DGKG: variants seen among roughly 807,000 people sequenced by gnomAD.
DGKG encodes diacylglycerol kinase gamma.
In DGKG, 78 loss-of-function variants were observed where a neutral mutation model predicts 105.3. The observed-to-expected ratio is 0.74, with a 90% confidence interval of 0.62 to 0.89. The LOEUF (loss-of-function observed/expected upper bound fraction) is 0.89. Ranked by LOEUF, DGKG falls within the 40% of genes least tolerant of loss-of-function variation. The pLI is 0.00. For missense variants in DGKG, 958 were observed against 1,020.1 expected, an observed-to-expected ratio of 0.94 and a Z score of 0.83; for synonymous variants, 346 against 367.1, an observed-to-expected ratio of 0.94 and a Z score of 0.66.
intron 21 of DGKG, among the ~76,000 whole-genome samples, chr3:186,197,647 A>AAGGCTGG (rs1326050767): frequency 6.6e-6 from 1 of 152,154 alleles, no homozygotes; most frequent in Non-Finnish European, 1.5e-5. Context: ...GACTACGGTG[A>AAGGCTGG]AGGCTGGATG....
intron 14 of DGKG, among the ~76,000 whole-genome samples, chr3:186,264,586 A>G (rs1396204702): frequency 6.6e-6 from 1 of 152,222 alleles, no homozygotes; most frequent in Non-Finnish European, 1.5e-5. Context: ...CAACACGTGA[A>G]TCTGTATATT....
rs1250376287 is a variant in DGKG, at chr3:186,284,601, G to T, written c.594+59C>A. ...ACATTTTCAGATTCTTCCTCTGCTT[G>T]CTCCCTGCTCCCCCAGCCTTTCTCA... On this transcript the variant is annotated intron_variant, in intron 7 of 24. Coordinates refer to ENST00000265022, the MANE Select transcript of DGKG (RefSeq NM_001346.3). This position sits in a 1 kb window ranked among gnomAD's most constrained non-coding sequence, Gnocchi z 4.0. 1.4e-6 allele frequency: 2 copies of T among 1,388,378 alleles called. No individual in the cohort carries two copies. Among genetic ancestry groups the T allele is most frequent in the African/African-American group, 1.4e-5 (1 of 70,262 alleles). The allele number at this position is 1,388,378 out of a possible 1,614,324, so 86.0% of individuals were successfully genotyped here.
intron 22 of DGKG, among the ~76,000 whole-genome samples, chr3:186,176,532 G>T (rs921666190): frequency 7.9e-5 from 12 of 152,152 alleles, no homozygotes; most frequent in African/African-American, 2.9e-4. Context: ...GTTGGGTCAG[G>T]GTTGGCCAGA....
chr3:186,269,188 C>T (rs1269791334), intron 11 of DGKG, among the ~76,000 whole-genome samples: 1 of 152,250 alleles, frequency 6.6e-6, no homozygotes, highest in Non-Finnish European at 1.5e-5. Flanking sequence ...GGCCTCTGAG[C>T]AGCATCTTGT....
rs561479289 is a variant in DGKG at position 186,233,541 on chromosome 3, G to A, written c.1826+8963C>T. On this transcript the variant is annotated intron_variant, in intron 20 of 24. Transcript: ENST00000265022. Reference sequence around the variant, plus strand: ...GTCGCCCAGGCTGGACTGCAGTGGCGCGATCTCGGCTCACTGCAAGCTCCG... The same window carrying A: ...GTCGCCCAGGCTGGACTGCAGTGGCACGATCTCGGCTCACTGCAAGCTCCG... Among the ~76,000 whole-genome samples, 8 of 152,236 alleles carry A rather than the reference G, an allele frequency of 5.3e-5. 1 individual carries two copies. The East Asian group carries it at 1.5e-3, about 29-fold the overall frequency.
rs1716464000 is a variant in DGKG, at chr3:186,164,904, G to C, written c.2210C>G (p.Thr737Ser). Residue 737 changes from threonine (T) to serine (S), a missense_variant, in exon 23 of 25, where the codon ACC (threonine) becomes AGC (serine). Physicochemically the swap from Thr to Ser is moderately conservative, Grantham distance 58. This residue lies in a region of DGKG where 315 missense variants were observed against 400.6 expected (regional missense o/e 0.79). Transcript: ENST00000265022. ...GRRLAQCASV[T>S]IRTNKLLPMQ... Reference sequence around the variant, plus strand: ...GGGTGACAAAGAGGCATACCTGATGGTGACAGAGGCGCACTGGGCCAGCCT... The same window carrying C: ...GGGTGACAAAGAGGCATACCTGATGCTGACAGAGGCGCACTGGGCCAGCCT... The C allele has an allele frequency of 6.2e-7, 1 of 1,612,208 alleles. No homozygotes were observed. The highest frequency in any genetic ancestry group is 1.1e-5 in the South Asian group (1 of 90,864).
intron 21 of DGKG, among the ~76,000 whole-genome samples, chr3:186,193,259 T>C (rs1161455399): frequency 5.3e-5 from 8 of 152,212 alleles, no homozygotes; most frequent in Non-Finnish European, 1.0e-4. Flanking sequence ...TGGGTTTAAA[T>C]CTTGGCTCTG....
intron 1 of DGKG, among the ~76,000 whole-genome samples, chr3:186,352,704 T>C (rs576128180): frequency 1.3e-5 from 2 of 152,318 alleles, no homozygotes; most frequent in East Asian, 3.9e-4. Context: ...ACAAGTTCTT[T>C]CCTGGTTCTG....
chr3:186,317,541 G>C (rs13317411), intron 2 of DGKG, among the ~76,000 whole-genome samples: 3,821 of 152,158 alleles, frequency 0.025, 159 homozygotes, highest in African/African-American at 0.087. Context: ...CATGCTCTGG[G>C]CTCCAGCCTG....
intron 13 of DGKG, 75 bp from the exon 14 acceptor site, chr3:186,265,381 C>A (rs1373770640): frequency 7.5e-7 from 1 of 1,335,224 alleles, no homozygotes; most frequent in Non-Finnish European, 1.1e-6. Context: ...AGATGAAAAA[C>A]AAACGGCTGA....
At chr3:186,217,950 A>G (rs764379830) in intron 20 of DGKG, among the ~76,000 whole-genome samples, 8 of 152,186 alleles carry the variant, frequency 5.3e-5, no homozygotes, top group Non-Finnish European at 1.2e-4. Flanking sequence ...GACTTTGATA[A>G]TCAGGTTCTC....
intron 4 of DGKG, 110 bp downstream of exon 4, chr3:186,297,954 C>T (rs888385): frequency 0.81 from 1,072,153 of 1,317,958 alleles, 438,999 homozygotes; most frequent in Non-Finnish European, 0.84. Flanking sequence ...ATGTTCGCAC[C>T]GTTGGGGCAG....
At chr3:186,357,339 G>T (rs1229374899) in intron 1 of DGKG, among the ~76,000 whole-genome samples, 2 of 152,058 alleles carry the variant, frequency 1.3e-5, no homozygotes, top group African/African-American at 4.8e-5. Flanking sequence ...GATTTCCCAG[G>T]AAGCCAAGAT....
chr3:186,222,581 G>C (rs778295169), intron 20 of DGKG, among the ~76,000 whole-genome samples: 2 of 152,164 alleles, frequency 1.3e-5, no homozygotes, highest in Admixed American at 1.3e-4. Context: ...GGTGGCTCAC[G>C]CCTGTAATCC....
intron 20 of DGKG, among the ~76,000 whole-genome samples, chr3:186,229,686 A>T (rs1447231192): frequency 6.6e-6 from 1 of 152,226 alleles, no homozygotes; most frequent in Non-Finnish European, 1.5e-5. Flanking sequence ...AGTTATACCC[A>T]CGAACTCCTG....
chr3:186,300,866 C>A (rs145225816), intron 3 of DGKG, among the ~76,000 whole-genome samples: 1 of 152,192 alleles, frequency 6.6e-6, no homozygotes. Context: ...TCAGACCAAG[C>A]GCATTTCTCC....
chr3:186,182,943 G>A (rs543120019), intron 22 of DGKG, among the ~76,000 whole-genome samples: 1 of 152,280 alleles, frequency 6.6e-6, no homozygotes, highest in Admixed American at 6.5e-5. Flanking sequence ...GAACACACAT[G>A]CCCGTGACAC....
intron 1 of DGKG, among the ~76,000 whole-genome samples, chr3:186,349,464 T>A (rs1040044889): frequency 1.3e-5 from 2 of 152,244 alleles, no homozygotes; most frequent in African/African-American, 4.8e-5. Context: ...TTCAGATTGC[T>A]CCATGTTGAT....
intron 20 of DGKG, among the ~76,000 whole-genome samples, chr3:186,235,779 G>C (rs1166660264): frequency 6.6e-6 from 1 of 152,180 alleles, no homozygotes; most frequent in South Asian, 2.1e-4. Flanking sequence ...GGGTTGGGGA[G>C]AGGTACGTGG....
Sources: allele counts gnomAD v4.1 joint callset (sites outside exome capture counted in the v4.1 genomes callset), GRCh38; gene constraint gnomAD v4.1.1; regional missense constraint gnomAD v4.1.1; non-coding constraint Gnocchi (gnomAD v3.1); transcripts MANE v1.5; gene names NCBI Gene and HGNC (gene_info 2026-07-23, HGNC 2026-07-21).